The following ARAP2 variants were observed in gnomAD, a reference collection of about 807,000 sequenced individuals.
ARAP2 encodes the protein arf-GAP with Rho-GAP domain, ANK repeat and PH domain-containing protein 2.
In ARAP2, 148 loss-of-function variants were observed where a neutral mutation model predicts 194.5. That is an observed-to-expected ratio of 0.76 (90% confidence interval 0.67 to 0.87). The LOEUF is 0.87. Among genes scored for constraint, ARAP2 ranks in the 40% least tolerant of loss-of-function variants. The pLI is 0.00. For missense variants in ARAP2, 2,128 were observed against 1,989.7 expected (o/e 1.07, Z -1.32); for synonymous variants, 695 against 683.5 (o/e 1.02, Z -0.26).
chr4:36,080,345 CTGAG>C, intron 30 of ARAP2, 66 bp from the exon 31 acceptor site: 1 of 1,330,308 alleles, frequency 7.5e-7, no homozygotes, highest in Non-Finnish European at 1.1e-6. Context: ...AGTGTATCTG[CTGAG>C]TGATTTGGTG....
intron 19 of ARAP2, among the ~76,000 whole-genome samples, chr4:36,135,433 G>C (rs1726461921): frequency 6.6e-6 from 1 of 151,642 alleles, no homozygotes; most frequent in South Asian, 2.1e-4. Flanking sequence ...AACTACTACT[G>C]TTTTACTAAT....
At chr4:36,068,572 C>T (rs1726055986) in intron 32 of ARAP2, among the ~76,000 whole-genome samples, 1 of 152,126 alleles carries the variant, frequency 6.6e-6, no homozygotes, top group Admixed American at 6.5e-5. Flanking sequence ...TTCTGAATTT[C>T]GATCTTTTCC....
chr4:36,009,563 C>T (rs1239307793), intron 9 of ARAP2, among the ~76,000 whole-genome samples: 1 of 152,016 alleles, frequency 6.6e-6, no homozygotes, highest in Admixed American at 6.6e-5. Flanking sequence ...TGTTCACTAC[C>T]TGGGTGACAG....
chr4:36,082,108 G>A, intron 30 of ARAP2, 143 bp downstream of exon 30: 4 of 734,570 alleles, frequency 5.4e-6, no homozygotes, highest in Non-Finnish European at 9.0e-6. Flanking sequence ...CTCTTCTTAG[G>A]CTCAAAGTCT....
At chr4:36,021,843 T>C (rs1293653217) in intron 5 of ARAP2, among the ~76,000 whole-genome samples, 1 of 152,210 alleles carries the variant, frequency 6.6e-6, no homozygotes, top group Non-Finnish European at 1.5e-5. Context: ...AAATATCTAA[T>C]GATACATCAT....
chr4:36,199,536 C>T (rs533099077), intron 6 of ARAP2, among the ~76,000 whole-genome samples: 1 of 152,222 alleles, frequency 6.6e-6, no homozygotes, highest in Middle Eastern at 3.4e-3. Flanking sequence ...ATGATCTGCC[C>T]GCCTGGACCT....
In ARAP2 at chr4:36,072,841, A is replaced by C. The variant is rs536354173; in HGVS notation, c.4743+848T>G. Among the ~76,000 whole-genome samples the C allele has an allele frequency of 1.5e-4, 23 of 152,250 alleles. No homozygotes were observed. The South Asian group carries it at 4.8e-3, about 32-fold the overall frequency. On this transcript the variant is annotated intron_variant, in intron 32 of 32. Coordinates refer to ENST00000303965, the MANE Select transcript of ARAP2 (RefSeq NM_015230.4). ...AGCTTTTCTCTTTTAGAGAAGGAAT[A>C]TTACAGTGGGATAAATGTTCAAGAA...
chr4:36,151,441 C>G (rs181763215), intron 15 of ARAP2, among the ~76,000 whole-genome samples: 1 of 152,312 alleles, frequency 6.6e-6, no homozygotes, highest in Admixed American at 6.5e-5. Flanking sequence ...GGATCAGAAT[C>G]TGCACGGCCC....
At chr4:36,077,707 C>G (rs1169701556) in intron 31 of ARAP2, among the ~76,000 whole-genome samples, 2 of 152,064 alleles carry the variant, frequency 1.3e-5, no homozygotes, top group Non-Finnish European at 2.9e-5. Flanking sequence ...ATGAAGTGAA[C>G]AAAATAATTT....
At chr4:36,017,346 G>C (rs11728459) in intron 6 of ARAP2, among the ~76,000 whole-genome samples, 43,620 of 151,030 alleles carry the variant, frequency 0.29, 7,159 homozygotes, top group East Asian at 0.44. Flanking sequence ...AAAAAACTAA[G>C]TTCTTTCCTT....
chr4:36,131,148 G>C (rs1217318957), intron 20 of ARAP2, among the ~76,000 whole-genome samples: 1 of 151,692 alleles, frequency 6.6e-6, no homozygotes, highest in South Asian at 2.1e-4. Context: ...TAATCACTGG[G>C]TGTTTTCTAA....
chr4:36,181,727 C>T (rs1305209110), intron 8 of ARAP2, among the ~76,000 whole-genome samples: 1 of 152,214 alleles, frequency 6.6e-6, no homozygotes, highest in Non-Finnish European at 1.5e-5. Context: ...CAAACCTATT[C>T]TGAATACCAG....
At position 36,119,908 on chromosome 4, in the gene ARAP2, CA is replaced by C. The variant is rs140517137; in HGVS notation, c.3895-191del. ...CAACAAGATAGAGTATCCTAAAGTT[CA>C]AAATATTTTATGATGATACTACTTC... On this transcript the variant is annotated intron_variant, in intron 23 of 32. Transcript: ENST00000303965. 7.5e-3 allele frequency among the ~76,000 whole-genome samples: 1,128 copies of C among 151,392 alleles called. 21 individuals are homozygous for C. The highest frequency in any genetic ancestry group is 0.026 in the African/African-American group (1,089 of 41,460).
chr4:36,017,564 T>TAAAAAAAA (rs71199694), intron 6 of ARAP2, among the ~76,000 whole-genome samples: 748 of 42,550 alleles, frequency 0.018, 201 homozygotes, highest in African/African-American at 0.068. Context: ...AAGAAAGTGG[T>TAAAAAAAA]AAAAAAAAAA....
At chr4:36,094,550 G>A (rs1306381588) in intron 27 of ARAP2, among the ~76,000 whole-genome samples, 2 of 152,034 alleles carry the variant, frequency 1.3e-5, no homozygotes, top group African/African-American at 4.8e-5. Flanking sequence ...ATCAAGCATT[G>A]TGTTTGGCAC....
At chr4:36,105,163 TACAA>T (rs1718046000) in intron 27 of ARAP2, among the ~76,000 whole-genome samples, 1 of 151,872 alleles carries the variant, frequency 6.6e-6, no homozygotes, top group African/African-American at 2.4e-5. Context: ...CCAATAAAAA[TACAA>T]AAAATAGACA....
At chr4:36,191,072 G>T (rs1192946770) in intron 7 of ARAP2, among the ~76,000 whole-genome samples, 2 of 152,210 alleles carry the variant, frequency 1.3e-5, no homozygotes, top group African/African-American at 4.8e-5. Flanking sequence ...TCTGCTCTAA[G>T]TCTGTAGAGA....
At chr4:36,114,592 A>G (rs981010554) in intron 25 of ARAP2, among the ~76,000 whole-genome samples, 1 of 152,068 alleles carries the variant, frequency 6.6e-6, no homozygotes, top group Non-Finnish European at 1.5e-5. Context: ...TTCGCCAGAC[A>G]ATGAATCCAA....
chr4:36,098,256 C>T (rs1031238764), intron 27 of ARAP2, among the ~76,000 whole-genome samples: 1 of 152,050 alleles, frequency 6.6e-6, no homozygotes, highest in Non-Finnish European at 1.5e-5. Context: ...CCCTCCATGT[C>T]CAGGCAGCTA....
Sources: allele counts gnomAD v4.1 joint callset (sites outside exome capture counted in the v4.1 genomes callset), GRCh38; gene constraint gnomAD v4.1.1; transcripts MANE v1.5; gene names NCBI Gene and HGNC (gene_info 2026-07-23, HGNC 2026-07-21).